The following ZNF407 variants were observed in gnomAD, a reference collection of about 807,000 sequenced individuals.
The protein encoded by ZNF407 is zinc finger protein 407.
Under a neutral mutation model 131.2 loss-of-function variants are expected in ZNF407, and 17 were observed. The ratio of observed to expected loss-of-function variants is 0.13; its 90% CI spans 0.09 to 0.19. The LOEUF (loss-of-function observed/expected upper bound fraction) is 0.19, where lower values mean the gene tolerates loss of function less well. ZNF407 is among the 10% of genes least tolerant of loss of function. ZNF407 has a pLI of 1.00. For synonymous variants in ZNF407, 1,156 were observed against 1,062.0 expected (o/e 1.09, Z -1.72); for missense variants, 2,681 against 2,830.6 (o/e 0.95, Z 1.20).
At chr18:75,025,034 C>T (rs543524352) in intron 8 of ZNF407, among the ~76,000 whole-genome samples, 143 of 152,290 alleles carry the variant, frequency 9.4e-4, no homozygotes, top group African/African-American at 2.8e-3. Flanking sequence ...TGTGTCACAT[C>T]GGTTATCAAG....
chr18:74,704,331 T>C (rs1773405649), intron 3 of ZNF407, among the ~76,000 whole-genome samples: 1 of 152,174 alleles, frequency 6.6e-6, no homozygotes, highest in African/African-American at 2.4e-5. Flanking sequence ...TAGGGATCTC[T>C]TTTATAGAGC....
At chr18:74,756,746 GT>G (rs11324361) in intron 3 of ZNF407, among the ~76,000 whole-genome samples, 149,644 of 152,140 alleles carry the variant, frequency 0.98, 73,666 homozygotes, top group Middle Eastern at 1. Context: ...TTTGTAGAAG[GT>G]TTTTTTGACT....
At chr18:74,993,944 A>G (rs1972748306) in intron 8 of ZNF407, among the ~76,000 whole-genome samples, 2 of 152,244 alleles carry the variant, frequency 1.3e-5, no homozygotes, top group South Asian at 2.1e-4. Flanking sequence ...AGACTGGTGC[A>G]CTATTCCAGA....
At chr18:74,728,275 T>A (rs1185083143) in intron 3 of ZNF407, among the ~76,000 whole-genome samples, 2 of 151,888 alleles carry the variant, frequency 1.3e-5, no homozygotes, top group African/African-American at 2.4e-5. Flanking sequence ...AATCTCAGAG[T>A]TCAAAGTGAA....
rs774324200 is a variant in ZNF407, at chr18:75,064,520, C to T, written c.*52C>T. On this transcript the variant is annotated 3_prime_UTR_variant, in exon 9 of 9. Coordinates refer to ENST00000299687, the MANE Select transcript of ZNF407 (RefSeq NM_017757.3). ...GGGCAGGTGTGGGAAGGTCCAGCTT[C>T]GGTGGGGGACCGTGTTCCCTGAGCT... 2.3e-4 allele frequency: 326 copies of T among 1,388,612 alleles called. No individual in the cohort carries two copies. The highest frequency in any genetic ancestry group is 2.9e-4 in the Non-Finnish European group (306 of 1,046,100). 86.0% of individuals were successfully genotyped at this position (1,388,612 alleles called of 1,614,324 possible).
intron 8 of ZNF407, among the ~76,000 whole-genome samples, chr18:74,981,637 G>A (rs1490571652): frequency 2.0e-5 from 3 of 152,168 alleles, no homozygotes; most frequent in Non-Finnish European, 2.9e-5. Context: ...CCTACGGAGG[G>A]CACTGTCGCT....
Position 74,635,236 on chromosome 18 carries a change from G to T in ZNF407, c.4217G>T (p.Ser1406Ile). ...QGVKKKKSEG[S>I]SIGESTRIRC... ...GTGAAAAAGAAGAAATCTGAGGGCA[G>T]TTCCATTGGTGAGTCTACACGAATT... Residue 1406 changes from serine to isoleucine, a missense_variant, in exon 2 of 9, where the codon AGT (serine) becomes ATT (isoleucine). By Grantham distance (142) the Ser-to-Ile change is moderately radical (BLOSUM62 -2). Around this residue, in one of 6 missense-constraint regions of ZNF407, gnomAD observed 1,789 missense variants for 1,748.7 expected, o/e 1.02. Coordinates refer to ENST00000299687, the MANE Select transcript of ZNF407 (RefSeq NM_017757.3). The surrounding 1 kb of genome is among the most constrained non-coding windows in gnomAD (Gnocchi z 4.7). 1 of 1,614,036 alleles carries T rather than the reference G, an allele frequency of 6.2e-7. No individual in the cohort carries two copies. Among genetic ancestry groups the T allele is most frequent in the Non-Finnish European group, 8.5e-7 (1 of 1,179,898 alleles).
chr18:74,886,387 A>C (rs1166443936), intron 6 of ZNF407, among the ~76,000 whole-genome samples: 1 of 151,974 alleles, frequency 6.6e-6, no homozygotes, highest in Admixed American at 6.6e-5. Context: ...TATTATACAC[A>C]TATGCCTATC....
intron 4 of ZNF407, among the ~76,000 whole-genome samples, chr18:74,807,534 G>A (rs992412132): frequency 2.6e-5 from 4 of 152,166 alleles, no homozygotes; most frequent in African/African-American, 9.7e-5. Flanking sequence ...TGCCCCAGTT[G>A]TTGGCAACTG....
intron 3 of ZNF407, among the ~76,000 whole-genome samples, chr18:74,710,057 A>G (rs1229089842): frequency 6.6e-6 from 1 of 152,244 alleles, no homozygotes; most frequent in Non-Finnish European, 1.5e-5. Context: ...GTTCATGTAA[A>G]TACACTAAAC....
At chr18:75,049,107 G>T (rs76700355) in intron 8 of ZNF407, among the ~76,000 whole-genome samples, 1 of 145,576 alleles carries the variant, frequency 6.9e-6, no homozygotes, top group Non-Finnish European at 1.5e-5. Flanking sequence ...TTGGGTGGGG[G>T]GGGGGTGGGG....
chr18:74,759,144 A>G (rs1005484908), intron 3 of ZNF407, among the ~76,000 whole-genome samples: 1 of 151,882 alleles, frequency 6.6e-6, no homozygotes, highest in Non-Finnish European at 1.5e-5. Flanking sequence ...TTTTTTTTCA[A>G]CACTTTGAAT....
intron 3 of ZNF407, among the ~76,000 whole-genome samples, chr18:74,701,666 A>G (rs1297148183): frequency 6.6e-6 from 1 of 152,172 alleles, no homozygotes; most frequent in Admixed American, 6.5e-5. Context: ...TATTTCTTCC[A>G]CATGATGGTT....
At chr18:74,601,978 A>T (rs779508108) in intron 1 of ZNF407, among the ~76,000 whole-genome samples, 8 of 152,210 alleles carry the variant, frequency 5.3e-5, no homozygotes, top group Admixed American at 2.0e-4. Flanking sequence ...CTACACCTAC[A>T]TATGTATCTT....
intron 3 of ZNF407, among the ~76,000 whole-genome samples, chr18:74,767,306 C>T (rs1411031607): frequency 6.6e-6 from 1 of 152,048 alleles, no homozygotes; most frequent in Non-Finnish European, 1.5e-5. Context: ...GTAATTCAAC[C>T]GTAATTCTTC....
intron 8 of ZNF407, among the ~76,000 whole-genome samples, chr18:74,934,908 G>A (rs1470978363): frequency 1.3e-5 from 2 of 152,178 alleles, no homozygotes; most frequent in East Asian, 1.9e-4. Flanking sequence ...CACTTATTAA[G>A]TACTCTATGA....
intron 7 of ZNF407, among the ~76,000 whole-genome samples, chr18:74,890,917 A>G (rs1253190698): frequency 6.6e-6 from 1 of 152,178 alleles, no homozygotes; most frequent in Admixed American, 6.5e-5. Context: ...ACCGTGTAGA[A>G]TGTTAGTGCT....
intron 8 of ZNF407, among the ~76,000 whole-genome samples, chr18:74,966,520 T>C (rs1972411769): frequency 6.6e-6 from 1 of 152,196 alleles, no homozygotes; most frequent in South Asian, 2.1e-4. Flanking sequence ...TCCCTGGGTC[T>C]GTGTGTCTGT....
rs2144630797 is a variant in ZNF407 at position 74,616,908 on chromosome 18, C to CCACACAT, written c.-53-14059_-53-14058insCACACAT. Reference sequence around the variant, plus strand: ...CACCACACACATCCATATCCACACACATCCATATCCACGCACCATACACAT... The same window carrying CCACACAT: ...CACCACACACATCCATATCCACACACCACACATATCCATATCCACGCACCATACACAT... On this transcript the variant is annotated intron_variant, in intron 1 of 8. Coordinates refer to ENST00000299687, the MANE Select transcript of ZNF407 (RefSeq NM_017757.3). Among the ~76,000 whole-genome samples the CCACACAT allele has an allele frequency of 3.3e-3, 487 of 145,734 alleles. 13 individuals are homozygous for CCACACAT. Among genetic ancestry groups the CCACACAT allele is most frequent in the Non-Finnish European group, 4.3e-3 (279 of 64,822 alleles).
Sources: allele counts gnomAD v4.1 joint callset (sites outside exome capture counted in the v4.1 genomes callset), GRCh38; gene constraint gnomAD v4.1.1; regional missense constraint gnomAD v4.1.1; non-coding constraint Gnocchi (gnomAD v3.1); transcripts MANE v1.5; gene names NCBI Gene and HGNC (gene_info 2026-07-23, HGNC 2026-07-21).